Variants in NAALADL2 observed in about 807,000 individuals in gnomAD.
The protein encoded by NAALADL2 is N-acetylated alpha-linked acidic dipeptidase like 2.
Under a neutral mutation model 87.2 loss-of-function variants are expected in NAALADL2, and 76 were observed. The ratio of observed to expected loss-of-function variants is 0.87; its 90% CI spans 0.72 to 1.05. The LOEUF (loss-of-function observed/expected upper bound fraction) is 1.05, where lower values mean the gene tolerates loss of function less well. Among genes scored for constraint, NAALADL2 ranks in the 50% least tolerant of loss-of-function variants. NAALADL2 has a pLI of 0.00. For missense variants in NAALADL2, 1,089 were observed against 945.8 expected (o/e 1.15, Z -1.99); for synonymous variants, 354 against 331.0 (o/e 1.07, Z -0.75).
At chr3:175,322,709 T>G (rs1299961428) in intron 4 of NAALADL2, among the ~76,000 whole-genome samples, 5 of 146,942 alleles carry the variant, frequency 3.4e-5, no homozygotes, top group Non-Finnish European at 7.5e-5. Flanking sequence ...AAAGAAGACA[T>G]TTATGCAGCC....
intron 10 of NAALADL2, among the ~76,000 whole-genome samples, chr3:175,590,915 G>A (rs978694190): frequency 8.5e-5 from 13 of 152,096 alleles, no homozygotes; most frequent in Non-Finnish European, 1.6e-4. Context: ...GTGTGCTTAG[G>A]GATGAAGGGG....
At chr3:175,543,647 C>T (rs185250521) in intron 9 of NAALADL2, among the ~76,000 whole-genome samples, 1 of 152,172 alleles carries the variant, frequency 6.6e-6, no homozygotes, top group African/African-American at 2.4e-5. Context: ...CATGAGAACT[C>T]ACTTTCTATC....
intron 3 of NAALADL2, 119 bp downstream of exon 3, chr3:175,234,323 C>T: frequency 1.8e-6 from 2 of 1,113,766 alleles, no homozygotes; most frequent in Non-Finnish European, 2.6e-6. Context: ...TAAATCTTTT[C>T]AGTGTGGAAG....
chr3:175,167,255 C>G (rs1325178503), intron 2 of NAALADL2, among the ~76,000 whole-genome samples: 1 of 152,042 alleles, frequency 6.6e-6, no homozygotes, highest in East Asian at 1.9e-4. Flanking sequence ...GTTCCAATAA[C>G]ACTTTATTTA....
At chr3:174,783,954 T>C (rs2109161282) in intron 3 of NAALADL2, among the ~76,000 whole-genome samples, 1 of 152,294 alleles carries the variant, frequency 6.6e-6, no homozygotes, top group East Asian at 1.9e-4. Context: ...ACAGTTTGTC[T>C]CACTGGATAT....
intron 11 of NAALADL2, among the ~76,000 whole-genome samples, chr3:175,685,374 A>T (rs1736129242): frequency 6.6e-6 from 1 of 151,880 alleles, no homozygotes; most frequent in Non-Finnish European, 1.5e-5. Context: ...AATGGTTCTT[A>T]ACTTTGGTTT....
chr3:175,368,836 C>T (rs958496848), intron 5 of NAALADL2, among the ~76,000 whole-genome samples: 2 of 151,920 alleles, frequency 1.3e-5, no homozygotes, highest in Non-Finnish European at 2.9e-5. Flanking sequence ...AATTACAATG[C>T]AGTGGTATTT....
intron 9 of NAALADL2, among the ~76,000 whole-genome samples, chr3:175,539,671 C>G (rs1711953154): frequency 1.3e-5 from 2 of 151,870 alleles, no homozygotes; most frequent in Admixed American, 1.3e-4. Flanking sequence ...CCCCTTGACC[C>G]CTTGACAGAA....
At chr3:174,631,938 A>C (rs1013552200) in intron 2 of NAALADL2, 1 of 152,210 alleles carries the variant, frequency 6.6e-6, no homozygotes, top group Admixed American at 6.5e-5. Context: ...TCCCTTCCAG[A>C]CTTACATGCT....
At chr3:175,183,951 C>T (rs528619722) in intron 2 of NAALADL2, among the ~76,000 whole-genome samples, 6 of 151,292 alleles carry the variant, frequency 4.0e-5, no homozygotes, top group South Asian at 4.2e-4. Flanking sequence ...GGTCACTGTG[C>T]GGCCACCCTC....
rs150467335 is a variant in NAALADL2, at chr3:174,566,824, C to T, written c.-115+16187C>T. Among the ~76,000 whole-genome samples the T allele has an allele frequency of 2.9e-3, 440 of 149,454 alleles. 3 individuals carry two copies. Among genetic ancestry groups the T allele is most frequent in the African/African-American group, 0.01 (425 of 40,740 alleles). On this transcript the variant is annotated intron_variant, in intron 2 of 3. Transcript: ENST00000434257. ...TTCTGTTTATTTTTTCTTTTCAAAT[C>T]GCTGGTGTTTGGGGAGTCTGTTGTA... is the stretch of plus-strand genomic sequence containing the variant.
At chr3:175,780,007 G>A (rs954852593) in intron 13 of NAALADL2, among the ~76,000 whole-genome samples, 33 of 151,910 alleles carry the variant, frequency 2.2e-4, no homozygotes, top group African/African-American at 7.0e-4. Flanking sequence ...GGTGGCTCAC[G>A]CCTGTAATCC....
At chr3:174,620,809 T>G (rs1052376327) in intron 2 of NAALADL2, among the ~76,000 whole-genome samples, 1 of 152,130 alleles carries the variant, frequency 6.6e-6, no homozygotes. Flanking sequence ...AATCTCATTT[T>G]GATGAACTTG....
At chr3:174,957,170 G>C (rs1257156671) in intron 1 of NAALADL2, among the ~76,000 whole-genome samples, 2 of 151,884 alleles carry the variant, frequency 1.3e-5, no homozygotes, top group African/African-American at 4.8e-5. Flanking sequence ...TAAGCATCTG[G>C]GCATACTAAC....
At chr3:175,035,764 A>G (rs867414219) in intron 1 of NAALADL2, among the ~76,000 whole-genome samples, 1 of 152,168 alleles carries the variant, frequency 6.6e-6, no homozygotes, top group South Asian at 2.1e-4. Flanking sequence ...TGTTAATTCA[A>G]AATCATTTAA....
rs1732293684 is a variant in NAALADL2, at chr3:174,901,467, C to T, written c.43+42017C>T. On this transcript the variant is annotated intron_variant, in intron 1 of 13. Transcript: ENST00000454872. The stretch of plus-strand genomic sequence containing the variant: ...AGGATATTGTAAGCTTCATTAGGGG[C>T]TGGGCTTCTAGTAATCTTTCATCAA... 2.0e-5 allele frequency among the ~76,000 whole-genome samples: 3 copies of T among 152,114 alleles called. No individual in the cohort carries two copies. In the South Asian group the frequency reaches 6.2e-4, roughly 31 times the overall value.
chr3:174,710,196 A>C (rs752237866), intron 2 of NAALADL2, among the ~76,000 whole-genome samples: 1 of 150,168 alleles, frequency 6.7e-6, no homozygotes, highest in South Asian at 2.1e-4. Context: ...TAGGGAGACT[A>C]TCTGGATGGT....
At chr3:174,621,933 A>G (rs1005835774) in intron 2 of NAALADL2, among the ~76,000 whole-genome samples, 5 of 152,136 alleles carry the variant, frequency 3.3e-5, no homozygotes, top group Admixed American at 2.0e-4. Flanking sequence ...ATTAGCATTC[A>G]TCTGTTTGCT....
chr3:175,454,203 T>C (rs1721992598), intron 6 of NAALADL2, among the ~76,000 whole-genome samples: 1 of 152,122 alleles, frequency 6.6e-6, no homozygotes, highest in African/African-American at 2.4e-5. Flanking sequence ...CTTATAGTTT[T>C]CATCTTAATT....
Sources: allele counts gnomAD v4.1 joint callset (sites outside exome capture counted in the v4.1 genomes callset), GRCh38; gene constraint gnomAD v4.1.1; transcripts MANE v1.5; gene names NCBI Gene and HGNC (gene_info 2026-07-23, HGNC 2026-07-21).